Variants in SLC35F1 observed in about 807,000 individuals in gnomAD.
SLC35F1 encodes chromosome 6 open reading frame 169.
In SLC35F1, 14 loss-of-function variants were observed where a neutral mutation model predicts 48.7. That is an observed-to-expected ratio of 0.29 (90% CI 0.19 to 0.45). The LOEUF is 0.45. SLC35F1 is among the 20% of genes least tolerant of loss of function. The pLI, the probability that SLC35F1 is intolerant of heterozygous loss-of-function variation, is 1.00. For missense variants in SLC35F1, 404 were observed against 500.0 expected (o/e 0.81, Z 1.83); for synonymous variants, 190 against 202.2 (o/e 0.94, Z 0.51).
intron 2 of SLC35F1, among the ~76,000 whole-genome samples, chr6:118,189,146 C>T (rs1472865561): frequency 2.6e-5 from 4 of 152,078 alleles, no homozygotes; most frequent in Admixed American, 1.3e-4. Context: ...CTCCTGGACT[C>T]GCAATCCTCC....
intron 2 of SLC35F1, among the ~76,000 whole-genome samples, chr6:118,224,188 T>A (rs1229276048): frequency 6.6e-6 from 1 of 152,200 alleles, no homozygotes; most frequent in Non-Finnish European, 1.5e-5. Context: ...TTGAAAAATT[T>A]CAAATCAAAG....
chr6:118,284,261 T>C (rs532531182), intron 6 of SLC35F1, among the ~76,000 whole-genome samples: 1 of 152,354 alleles, frequency 6.6e-6, no homozygotes, highest in East Asian at 1.9e-4. Flanking sequence ...AGGTTATTTT[T>C]ATTATGTTGT....
At chr6:118,256,828 G>A (rs1441576137) in intron 3 of SLC35F1, among the ~76,000 whole-genome samples, 3 of 152,106 alleles carry the variant, frequency 2.0e-5, no homozygotes, top group African/African-American at 4.8e-5. Flanking sequence ...CTAAGTTAGG[G>A]ACTGTCTGTA....
intron 1 of SLC35F1, among the ~76,000 whole-genome samples, chr6:118,019,608 C>T (rs565748773): frequency 3.3e-5 from 5 of 151,182 alleles, no homozygotes; most frequent in South Asian, 4.2e-4. Context: ...GGTGACAGAG[C>T]AAGACTTCGT....
At chr6:118,205,094 C>T (rs543509469) in intron 2 of SLC35F1, among the ~76,000 whole-genome samples, 1 of 152,314 alleles carries the variant, frequency 6.6e-6, no homozygotes, top group East Asian at 1.9e-4. Context: ...ACTCTTCTCT[C>T]CTGATGCAGC....
chr6:117,978,798 A>G (rs1242749172), intron 1 of SLC35F1, among the ~76,000 whole-genome samples: 1 of 152,370 alleles, frequency 6.6e-6, no homozygotes, highest in East Asian at 1.9e-4. Flanking sequence ...TACACAAAGA[A>G]TAATATTTCT....
At chr6:118,040,231 G>A (rs1050932726) in intron 1 of SLC35F1, among the ~76,000 whole-genome samples, 13 of 152,132 alleles carry the variant, frequency 8.5e-5, no homozygotes, top group Non-Finnish European at 1.5e-4. Flanking sequence ...CAGAGTTTTA[G>A]CTACCTACAC....
intron 1 of SLC35F1, among the ~76,000 whole-genome samples, chr6:118,033,917 T>C (rs1772089511): frequency 6.6e-6 from 1 of 152,212 alleles, no homozygotes; most frequent in African/African-American, 2.4e-5. Flanking sequence ...GATTTAGTGG[T>C]ACAGTGACTG....
rs1360606820 is a variant in SLC35F1, at chr6:118,314,179, A to G, written c.1154A>G (p.Gln385Arg). 1.9e-6 allele frequency: 3 copies of G among 1,614,184 alleles called. No individual in the cohort carries two copies. Among genetic ancestry groups the G allele is most frequent in the Non-Finnish European group, 2.5e-6 (3 of 1,180,022 alleles). The stretch of plus-strand genomic sequence containing the variant: ...GTTGTGGACTTACCGACCACAGCTC[A>G]GGTGGAACCCTCAGTCACCTACACC... ...GPVVDLPTTA[Q>R]VEPSVTYTSL... Residue 385 changes from glutamine (Q) to arginine (R), a missense_variant, in exon 8 of 8, where the codon CAG (glutamine) becomes CGG (arginine). By Grantham distance (43) the Gln-to-Arg change is conservative. Transcript: ENST00000360388.
chr6:118,151,148 A>G (rs988250895), intron 1 of SLC35F1, among the ~76,000 whole-genome samples: 2 of 152,138 alleles, frequency 1.3e-5, no homozygotes, highest in African/African-American at 4.8e-5. Context: ...TCTTCCTCTT[A>G]GCCTTCTAAC....
At chr6:118,166,166 A>T (rs1448941123) in intron 2 of SLC35F1, among the ~76,000 whole-genome samples, 2 of 141,618 alleles carry the variant, frequency 1.4e-5, no homozygotes, top group Non-Finnish European at 3.2e-5. Context: ...ATGCAAGATT[A>T]AAAAAAAAAG....
chr6:118,108,441 ACAAT>A (rs149092334), intron 1 of SLC35F1, among the ~76,000 whole-genome samples: 2,607 of 152,308 alleles, frequency 0.017, 77 homozygotes, highest in African/African-American at 0.059. Flanking sequence ...AGGCCCTGGA[ACAAT>A]CAGCCTGTAT....
chr6:118,047,106 A>C (rs1772312346), intron 1 of SLC35F1, among the ~76,000 whole-genome samples: 1 of 152,190 alleles, frequency 6.6e-6, no homozygotes, highest in African/African-American at 2.4e-5. Flanking sequence ...CCAGCAGAAT[A>C]TAAGAAGACA....
intron 6 of SLC35F1, among the ~76,000 whole-genome samples, chr6:118,281,204 C>CTCTATATATATA (rs367855949): frequency 1.4e-4 from 18 of 130,484 alleles, no homozygotes; most frequent in Non-Finnish European, 2.1e-4. Flanking sequence ...CTCTCTCTCT[C>CTCTATATATATA]TATATATATA....
At chr6:118,259,704 C>CAAAAAAA (rs11372368) in intron 3 of SLC35F1, among the ~76,000 whole-genome samples, 1 of 147,704 alleles carries the variant, frequency 6.8e-6, no homozygotes. Context: ...TAGCAAAAAT[C>CAAAAAAA]AAAAAAAAAA....
intron 4 of SLC35F1, among the ~76,000 whole-genome samples, chr6:118,272,763 A>ATATG (rs1446783015): frequency 3.8e-5 from 4 of 106,298 alleles, no homozygotes; most frequent in African/African-American, 1.3e-4. Context: ...ATATATATAT[A>ATATG]TGTATATATA....
intron 2 of SLC35F1, among the ~76,000 whole-genome samples, chr6:118,210,596 G>A (rs78498149): frequency 0.026 from 3,972 of 152,228 alleles, 75 homozygotes; most frequent in Middle Eastern, 0.051. Context: ...GGTAAGAGCC[G>A]TTCTCAGACA....
At chr6:118,073,330 A>G (rs980016466) in intron 1 of SLC35F1, among the ~76,000 whole-genome samples, 3 of 152,158 alleles carry the variant, frequency 2.0e-5, no homozygotes, top group Admixed American at 2.0e-4. Context: ...CTGTGAACTG[A>G]GTGACCTTTG....
At chr6:118,098,932 A>G (rs1057512682) in intron 1 of SLC35F1, among the ~76,000 whole-genome samples, 1 of 151,942 alleles carries the variant, frequency 6.6e-6, no homozygotes, top group African/African-American at 2.4e-5. Flanking sequence ...TTTTCTCACC[A>G]CTGTGTTTGG....
Sources: allele counts gnomAD v4.1 joint callset (sites outside exome capture counted in the v4.1 genomes callset), GRCh38; gene constraint gnomAD v4.1.1; transcripts MANE v1.5; gene names NCBI Gene and HGNC (gene_info 2026-07-23, HGNC 2026-07-21).